Variants in RSU1 observed in about 807,000 individuals in gnomAD.
RSU1 encodes rsu-1.
Under a neutral mutation model 31.1 loss-of-function variants are expected in RSU1, and 26 were observed. The observed-to-expected ratio is 0.84, with a 90% confidence interval of 0.61 to 1.16. RSU1 has a LOEUF of 1.16. Among genes scored for constraint, RSU1 ranks in the 50% most tolerant of loss-of-function variants. RSU1 has a pLI of 0.00. For synonymous variants in RSU1, 164 were observed against 136.3 expected, an observed-to-expected ratio of 1.20 and a Z score of -1.41; for missense variants, 320 against 339.1, an observed-to-expected ratio of 0.94 and a Z score of 0.44.
chr10:16,595,082 CAAAA>C lies in RSU1; in HGVS notation c.732-1590_732-1587del, dbSNP rs891292587. On this transcript the variant is annotated intron_variant, in intron 8 of 8. Transcript: ENST00000345264. Reference sequence around the variant, plus strand: ...TCAGGCGTGAGCCACCATGCCCCAACAAAAAAATTATTTTAATAGACATGGGGTC... The same window carrying C: ...TCAGGCGTGAGCCACCATGCCCCAACAAATTATTTTAATAGACATGGGGTC... Among the ~76,000 whole-genome samples, 12 of 151,796 alleles carry C rather than the reference CAAAA, an allele frequency of 7.9e-5. 1 individual carries two copies. Among genetic ancestry groups the C allele is most frequent in the African/African-American group, 2.9e-4 (12 of 41,382 alleles).
At chr10:16,695,840 T>C (rs570478782) in intron 7 of RSU1, among the ~76,000 whole-genome samples, 21 of 152,254 alleles carry the variant, frequency 1.4e-4, no homozygotes, top group African/African-American at 4.8e-4. Context: ...AGCATGAAGA[T>C]TTCAAGCTGA....
rs565990072 is a variant in RSU1, at chr10:16,713,984, C to T, written c.599-18829G>A. Among the ~76,000 whole-genome samples the T allele has an allele frequency of 4.6e-5, 7 of 152,182 alleles. No individual in the cohort carries two copies. In the East Asian group the frequency reaches 1.4e-3, roughly 29 times the overall value. On this transcript the variant is annotated intron_variant, in intron 7 of 8. Transcript: ENST00000345264. ...GCAATGTCTGCAATTGCCTCAATGG[C>T]CTATGCTGTAGGTATTTGTGGTGGT...
intron 7 of RSU1, among the ~76,000 whole-genome samples, chr10:16,697,460 C>T (rs545998084): frequency 1.3e-5 from 2 of 151,954 alleles, no homozygotes; most frequent in African/African-American, 4.8e-5. Context: ...AGTTCCAGAC[C>T]ACAAGGCAAT....
intron 7 of RSU1, among the ~76,000 whole-genome samples, chr10:16,746,612 T>C (rs1836860789): frequency 6.7e-6 from 1 of 148,586 alleles, no homozygotes; most frequent in South Asian, 2.1e-4. Context: ...AATGCAGAAA[T>C]GGAATAGAAA....
At chr10:16,797,855 TC>T (rs1286218447) in intron 2 of RSU1, among the ~76,000 whole-genome samples, 122 of 110,838 alleles carry the variant, frequency 1.1e-3, no homozygotes, top group African/African-American at 6.8e-3. Context: ...GGGGATTTCT[TC>T]TTTTTTTTTT....
intron 7 of RSU1, among the ~76,000 whole-genome samples, chr10:16,739,755 G>A (rs968282537): frequency 2.6e-5 from 4 of 152,062 alleles, no homozygotes; most frequent in Non-Finnish European, 4.4e-5. Context: ...GGGATCACAG[G>A]TGTGCACCAC....
At chr10:16,658,114 T>C (rs1217785619) in intron 8 of RSU1, among the ~76,000 whole-genome samples, 1 of 152,230 alleles carries the variant, frequency 6.6e-6, no homozygotes, top group East Asian at 1.9e-4. Flanking sequence ...CTCTCAAACA[T>C]GGAGAATTTT....
At chr10:16,594,766 T>C (rs1833582508) in intron 8 of RSU1, among the ~76,000 whole-genome samples, 3 of 145,468 alleles carry the variant, frequency 2.1e-5, no homozygotes, top group African/African-American at 7.4e-5. Flanking sequence ...CTATATTATC[T>C]ATTATATATC....
At chr10:16,792,434 C>T (rs3780966) in intron 2 of RSU1, among the ~76,000 whole-genome samples, 33,129 of 152,046 alleles carry the variant, frequency 0.22, 3,759 homozygotes, top group Middle Eastern at 0.26. Context: ...GGTTTCATTA[C>T]GTCGGCCAAG....
At chr10:16,633,677 G>GA (rs1834294149) in intron 8 of RSU1, among the ~76,000 whole-genome samples, 1 of 152,152 alleles carries the variant, frequency 6.6e-6, no homozygotes, top group Non-Finnish European at 1.5e-5. Flanking sequence ...GGGAGGCCGT[G>GA]AAAAGGACTC....
intron 7 of RSU1, among the ~76,000 whole-genome samples, chr10:16,713,781 T>C (rs1836069786): frequency 6.6e-6 from 1 of 152,216 alleles, no homozygotes; most frequent in African/African-American, 2.4e-5. Context: ...TATGCTGATA[T>C]CTGAACATCT....
intron 8 of RSU1, among the ~76,000 whole-genome samples, chr10:16,670,475 A>C (rs1835085808): frequency 6.6e-6 from 1 of 152,178 alleles, no homozygotes; most frequent in South Asian, 2.1e-4. Flanking sequence ...CTGTTGCTGC[A>C]GTATTCTGGG....
chr10:16,815,274 C>G (rs1262674431), intron 2 of RSU1, among the ~76,000 whole-genome samples: 1 of 152,206 alleles, frequency 6.6e-6, no homozygotes, highest in Non-Finnish European at 1.5e-5. Context: ...TTTAATGGCA[C>G]GTATTTTCAT....
intron 7 of RSU1, among the ~76,000 whole-genome samples, chr10:16,731,268 A>G (rs1799769686): frequency 6.6e-6 from 1 of 152,090 alleles, no homozygotes; most frequent in Non-Finnish European, 1.5e-5. Context: ...TCTCTACTAA[A>G]AAATACAAAA....
chr10:16,767,689 C>T (rs1015119828), intron 3 of RSU1, among the ~76,000 whole-genome samples: 1 of 151,944 alleles, frequency 6.6e-6, no homozygotes, highest in African/African-American at 2.4e-5. Context: ...CTCTTTGAAC[C>T]AATATTTAGA....
At chr10:16,785,435 T>TACAC (rs1448168731) in intron 2 of RSU1, among the ~76,000 whole-genome samples, 2 of 140,548 alleles carry the variant, frequency 1.4e-5, no homozygotes, top group African/African-American at 5.6e-5. Context: ...TACATATATA[T>TACAC]ATATACACAT....
At chr10:16,715,183 T>G (rs187877053) in intron 7 of RSU1, among the ~76,000 whole-genome samples, 1 of 152,300 alleles carries the variant, frequency 6.6e-6, no homozygotes. Flanking sequence ...GTTGTTTACT[T>G]GTTGTTTAGA....
At chr10:16,607,006 C>G (rs890032210) in intron 8 of RSU1, among the ~76,000 whole-genome samples, 6 of 152,092 alleles carry the variant, frequency 3.9e-5, no homozygotes, top group Non-Finnish European at 5.9e-5. Flanking sequence ...GATCTGTGTT[C>G]CCACCAAATC....
chr10:16,630,955 T>C (rs1471893496), intron 8 of RSU1, among the ~76,000 whole-genome samples: 1 of 152,230 alleles, frequency 6.6e-6, no homozygotes, highest in Non-Finnish European at 1.5e-5. Flanking sequence ...AGGGTTTGGG[T>C]AGATTTCACT....
Sources: allele counts gnomAD v4.1 joint callset (sites outside exome capture counted in the v4.1 genomes callset), GRCh38; gene constraint gnomAD v4.1.1; transcripts MANE v1.5; gene names NCBI Gene and HGNC (gene_info 2026-07-23, HGNC 2026-07-21).